ZMYM2: variants seen among roughly 807,000 people sequenced by gnomAD.
The protein encoded by ZMYM2 is zinc finger MYM-type containing 2.
Under a neutral mutation model 162.8 loss-of-function variants are expected in ZMYM2, and 56 were observed. The observed-to-expected ratio is 0.34, with a 90% confidence interval of 0.28 to 0.43. ZMYM2 has a LOEUF of 0.43. Ranked by LOEUF, ZMYM2 falls within the 20% of genes least tolerant of loss-of-function variation. ZMYM2 has a pLI of 1.00. For missense variants in ZMYM2, 1,275 were observed against 1,621.8 expected (o/e 0.79, Z 3.67); for synonymous variants, 510 against 541.6 (o/e 0.94, Z 0.81).
chr13:20,061,348 TAA>T, intron 17 of ZMYM2, 124 bp downstream of exon 17: 1 of 961,750 alleles, frequency 1.0e-6, no homozygotes, highest in South Asian at 3.9e-5. Context: ...GAAAGCATTG[TAA>T]CAAAAATGTT....
the ZMYM2 span, among the ~76,000 whole-genome samples, chr13:19,901,190 T>C: frequency 6.6e-6 from 1 of 152,070 alleles, no homozygotes; most frequent in Non-Finnish European, 1.5e-5. Context: ...ACCATTACAT[T>C]GGGGACTAGA....
chr13:20,048,443 T>A (rs1008229442), intron 12 of ZMYM2, among the ~76,000 whole-genome samples: 3 of 151,992 alleles, frequency 2.0e-5, no homozygotes, highest in Non-Finnish European at 4.4e-5. Flanking sequence ...AAAAAAAATT[T>A]GTAGCGAATC....
the ZMYM2 span, among the ~76,000 whole-genome samples, chr13:19,886,395 C>G: frequency 6.6e-6 from 1 of 151,622 alleles, no homozygotes; most frequent in African/African-American, 2.4e-5. Flanking sequence ...AACTCCCGAC[C>G]TCGGTGATCT....
At chr13:20,081,911 CAT>C (rs1030470405) in intron 21 of ZMYM2, 103 bp from the exon 22 acceptor site, 2 of 636,344 alleles carry the variant, frequency 3.1e-6, no homozygotes, top group African/African-American at 3.9e-5. Context: ...ATTTCAAAGA[CAT>C]AAAGCTTTAT....
At chr13:20,068,548 A>G (rs1956849643) in intron 21 of ZMYM2, among the ~76,000 whole-genome samples, 1 of 152,146 alleles carries the variant, frequency 6.6e-6, no homozygotes, top group Non-Finnish European at 1.5e-5. Flanking sequence ...AACAATGATG[A>G]ATTCCAAAAC....
intron 3 of ZMYM2, among the ~76,000 whole-genome samples, chr13:19,995,337 T>A (rs1310796036): frequency 6.6e-6 from 1 of 152,226 alleles, no homozygotes; most frequent in Non-Finnish European, 1.5e-5. Flanking sequence ...TAGCTTTTAG[T>A]TAGCATTTTA....
intron 21 of ZMYM2, chr13:20,070,368 A>G (rs1384351260): frequency 2.5e-5 from 5 of 199,204 alleles, no homozygotes; most frequent in Non-Finnish European, 5.6e-5. Context: ...GCATTTATTC[A>G]TATTTGTATG....
rs756501409 is a variant in ZMYM2, at chr13:20,058,534, T to G, written c.2494-41T>G. The G allele has an allele frequency of 2.3e-5, 36 of 1,593,532 alleles. No individual in the cohort carries two copies. In the Admixed American group the frequency reaches 5.2e-4, roughly 23 times the overall value. Reference sequence around the variant, plus strand: ...ATTGACACTAGGAAGTATTGAAAATTAGACATAAAAATAAAAATGTTTCTC... The same window carrying G: ...ATTGACACTAGGAAGTATTGAAAATGAGACATAAAAATAAAAATGTTTCTC... On this transcript the variant is annotated intron_variant, in intron 14 of 24. Coordinates refer to ENST00000610343, the MANE Select transcript of ZMYM2 (RefSeq NM_197968.4).
intron 11 of ZMYM2, 25 bp downstream of exon 11, chr13:20,034,429 C>T: frequency 6.8e-7 from 1 of 1,478,772 alleles, no homozygotes; most frequent in Non-Finnish European, 9.0e-7. Flanking sequence ...CAGTGTTGTT[C>T]ATAACATTTA....
chr13:19,925,602 G>A, the ZMYM2 span, among the ~76,000 whole-genome samples: 1 of 152,024 alleles, frequency 6.6e-6, no homozygotes, highest in Non-Finnish European at 1.5e-5. Context: ...GCCAGGTGCG[G>A]TGGCTCATGC....
intron 7 of ZMYM2, among the ~76,000 whole-genome samples, chr13:20,024,152 C>T (rs1952366716): frequency 6.6e-6 from 1 of 152,048 alleles, no homozygotes. Flanking sequence ...CCAGGCTGGT[C>T]TCGAACTCCC....
chr13:19,988,782 A>C (rs1949379956), intron 2 of ZMYM2, among the ~76,000 whole-genome samples: 2 of 151,522 alleles, frequency 1.3e-5, no homozygotes, highest in African/African-American at 4.8e-5. Flanking sequence ...ACTCCATCTC[A>C]AAAAAAAAGA....
chr13:19,926,576 C>T, the ZMYM2 span, among the ~76,000 whole-genome samples: 34 of 151,972 alleles, frequency 2.2e-4, no homozygotes, highest in Non-Finnish European at 2.9e-5. Flanking sequence ...GTCGGCCAGG[C>T]TGGTCTTGAA....
In ZMYM2 at chr13:20,034,275, A is replaced by G. The variant is rs757028348; in HGVS notation, c.1990A>G (p.Ser664Gly). Residue 664 changes from serine (S) to glycine (G), a missense_variant, in exon 11 of 25, where the codon AGC becomes GGC. Physicochemically the swap from Ser to Gly is moderately conservative, Grantham distance 56. This residue lies in a region of ZMYM2 where 276 missense variants were observed against 311.8 expected (regional missense o/e 0.89). Coordinates refer to ENST00000610343, the MANE Select transcript of ZMYM2 (RefSeq NM_197968.4). Reference sequence around the variant, plus strand: ...TTAGAACAAAGTGCATCAGTTCTGCAGCAAAACTTGTTCAGATGACTATAA... The same window carrying G: ...TTAGAACAAAGTGCATCAGTTCTGCGGCAAAACTTGTTCAGATGACTATAA... The part of the protein sequence containing the change: ...EWENKVHQFC[S>G]KTCSDDYKKL... 5.0e-6 allele frequency: 8 copies of G among 1,604,976 alleles called. No homozygotes were observed. The South Asian group carries it at 6.7e-5, about 14-fold the overall frequency.
At chr13:20,052,965 C>T (rs1955496599) in intron 14 of ZMYM2, among the ~76,000 whole-genome samples, 2 of 152,192 alleles carry the variant, frequency 1.3e-5, no homozygotes, top group African/African-American at 4.8e-5. Context: ...TTGGGAAATA[C>T]ACAGTGTGTC....
chr13:20,017,834 T>C (rs1214742946), intron 6 of ZMYM2, among the ~76,000 whole-genome samples: 2 of 152,254 alleles, frequency 1.3e-5, no homozygotes, highest in Non-Finnish European at 2.9e-5. Context: ...TGGAGCACTT[T>C]TATGATGACT....
intron 21 of ZMYM2, among the ~76,000 whole-genome samples, chr13:20,072,859 A>C (rs1957193978): frequency 6.6e-6 from 1 of 150,760 alleles, no homozygotes; most frequent in Admixed American, 6.6e-5. Flanking sequence ...ATATTTTCTT[A>C]TTATCCTTTC....
At chr13:19,982,503 G>T (rs972898783) in intron 2 of ZMYM2, among the ~76,000 whole-genome samples, 2 of 151,960 alleles carry the variant, frequency 1.3e-5, no homozygotes, top group African/African-American at 4.8e-5. Context: ...GGCCAGGCTG[G>T]TCTCGAACTC....
intron 4 of ZMYM2, 46 bp from the exon 5 acceptor site, chr13:20,005,028 G>T (rs766741158): frequency 6.7e-7 from 1 of 1,499,950 alleles, no homozygotes; most frequent in Non-Finnish European, 9.1e-7. Flanking sequence ...TCTTATATTT[G>T]ATTTCTTTTA....
Sources: gnomAD v4.1 joint callset for allele counts (sites outside exome capture counted in the v4.1 genomes callset) on GRCh38, gnomAD v4.1.1 for gene constraint, gnomAD v4.1.1 regional missense constraint, MANE v1.5 for transcripts, NCBI Gene and HGNC (gene_info 2026-07-23, HGNC 2026-07-21) for gene names.